The following TIMM10B variants were observed in gnomAD, a reference collection of about 807,000 sequenced individuals.
The protein encoded by TIMM10B is translocase of inner mitochondrial membrane 10B.
In TIMM10B, 17 loss-of-function variants were observed where a neutral mutation model predicts 12.6. The observed-to-expected ratio is 1.35, with a 90% CI of 0.92 to 2.03. The LOEUF (loss-of-function observed/expected upper bound fraction) is 2.03, where lower values mean the gene tolerates loss of function less well. Among genes scored for constraint, TIMM10B ranks in the 30% most tolerant of loss-of-function variants. The probability of loss-of-function intolerance (pLI) is 0.00; values close to 1 mark genes in which losing one functional copy is unlikely to be tolerated. For synonymous variants in TIMM10B, 63 were observed against 51.3 expected, an observed-to-expected ratio of 1.23 and a Z score of -0.97; for missense variants, 165 against 133.3, an observed-to-expected ratio of 1.24 and a Z score of -1.17.
chr11:6,481,545 A>C lies in TIMM10B; in HGVS notation c.29A>C (p.Gln10Pro), dbSNP rs760941149. 8 of 1,610,568 alleles carry C rather than the reference A, an allele frequency of 5.0e-6. No individual in the cohort carries two copies. In the Admixed American group the frequency reaches 1.2e-4, roughly 24 times the overall value. The change falls in exon 1 of 3, where the codon CAA (glutamine) becomes CCA (proline). Residue 10 changes from glutamine (Q) to proline (P), a missense_variant. By Grantham distance (76) the Gln-to-Pro change is moderately conservative. Transcript: ENST00000254616. ...GAGCGGCAGCAGCAGCAGCAACAGC[A>C]ACTGCGAAACGTAAGTGAGAACTAA... MERQQQQQQ[Q>P]LRNLRDFLLV...
chr11:6,483,896 T>C lies in TIMM10B; in HGVS notation c.*1675T>C, dbSNP rs1851880526. The C allele has an allele frequency of 6.6e-6, 1 of 152,228 alleles. No homozygotes were observed. Among genetic ancestry groups the C allele is most frequent in the Admixed American group, 6.5e-5 (1 of 15,290 alleles). 9.4% of individuals were successfully genotyped at this position (152,228 alleles called of 1,614,324 possible). A position where few individuals can be genotyped will look rare whatever the true frequency, so the allele number is the denominator to read the frequency against. On this transcript the variant is annotated 3_prime_UTR_variant, in exon 3 of 3. Transcript: ENST00000254616. ...TCCATGTTCATTTTACACAGCAGGC[T>C]GCCTCTTAAGATAGTATTTATTGAG...
Position 6,481,539 on chromosome 11 carries a change from A to C in TIMM10B, c.23A>C (p.Gln8Pro). MERQQQQQQQLRNLRDFL... is the reference protein window; with the variant it reads MERQQQQPQQLRNLRDFL... ...GTGATGGAGCGGCAGCAGCAGCAGC[A>C]ACAGCAACTGCGAAACGTAAGTGAG... Residue 8 changes from glutamine to proline, a missense_variant, in exon 1 of 3, where the codon CAA becomes CCA. Coordinates refer to ENST00000254616, the MANE Select transcript of TIMM10B (RefSeq NM_012192.4). 1 of 1,611,876 alleles carries C rather than the reference A, an allele frequency of 6.2e-7. No individual in the cohort carries two copies. Among genetic ancestry groups the C allele is most frequent in the East Asian group, 2.2e-5 (1 of 44,850 alleles).
rs1851891821 is a variant in TIMM10B, at chr11:6,484,629, CTT to C, written c.*2409_*2410del. The stretch of plus-strand genomic sequence containing the variant: ...ATACTGTGCTGCTGGTGGGAGGACC[CTT>C]CCACATCAACATTTGTGTGTATCCT... On this transcript the variant is annotated 3_prime_UTR_variant, in exon 3 of 3. Coordinates refer to ENST00000254616, the MANE Select transcript of TIMM10B (RefSeq NM_012192.4). The C allele has an allele frequency of 6.6e-6, 1 of 152,216 alleles. No individual in the cohort carries two copies. The allele number at this position is 152,216 out of a possible 1,614,324, so 9.4% of individuals were successfully genotyped here.
At chr11:6,481,973 G>A in intron 2 of TIMM10B, 72 bp from the exon 3 acceptor site, 1 of 1,595,014 alleles carries the variant, frequency 6.3e-7, no homozygotes, top group Non-Finnish European at 8.6e-7. Context: ...CCCTAGGCTG[G>A]GCATGGGGAA....
chr11:6,481,721 C>T (rs372245305), intron 1 of TIMM10B, 36 bp from the exon 2 acceptor site: 2 of 1,613,720 alleles, frequency 1.2e-6, no homozygotes, highest in East Asian at 2.2e-5. Flanking sequence ...GTGTGGGGCC[C>T]TTATCGCTGA....
rs1361577294 is a variant in TIMM10B, at chr11:6,482,623, C to G, written c.*402C>G. On this transcript the variant is annotated 3_prime_UTR_variant, in exon 3 of 3. Transcript: ENST00000254616. ...TCTTCACAACAAAACTATGAGTAAG[C>G]GGTATTAGCCTCACTTAACAGATGA... 2 of 169,532 alleles carry G rather than the reference C, an allele frequency of 1.2e-5. No homozygotes were observed. The highest frequency in any genetic ancestry group is 4.8e-5 in the African/African-American group (2 of 42,104). The allele number at this position is 169,532 out of a possible 1,614,324, so 10.5% of individuals were successfully genotyped here.
Position 6,482,974 on chromosome 11 carries a change from C to T in TIMM10B, c.*753C>T, listed in dbSNP as rs1377005053. 2.6e-5 allele frequency: 4 copies of T among 152,152 alleles called. No individual in the cohort carries two copies. The highest frequency in any genetic ancestry group is 9.7e-5 in the African/African-American group (4 of 41,410). 9.4% of individuals were successfully genotyped at this position (152,152 alleles called of 1,614,324 possible). A position where few individuals can be genotyped will look rare whatever the true frequency, so the allele number is the denominator to read the frequency against. On this transcript the variant is annotated 3_prime_UTR_variant, in exon 3 of 3. Coordinates refer to ENST00000254616, the MANE Select transcript of TIMM10B (RefSeq NM_012192.4). ...ATGAAACCTGTAAGAAGTCTGGAGT[C>T]TTTTGGAACTTCAGCCATTTCCCCA... is the stretch of plus-strand genomic sequence containing the variant.
intron 1 of TIMM10B, 56 bp downstream of exon 1, chr11:6,481,611 C>T (rs1851778127): frequency 1.3e-6 from 2 of 1,574,280 alleles, no homozygotes; most frequent in Non-Finnish European, 1.7e-6. Flanking sequence ...TTCCTGCACA[C>T]ATCGCGGGAA....
Position 6,481,546 on chromosome 11 carries a change from A to G in TIMM10B, c.30A>G (p.Gln10=), listed in dbSNP as rs200092091. The change falls in exon 1 of 3, where the codon CAA becomes CAG. Residue 10 remains glutamine, a synonymous_variant. Coordinates refer to ENST00000254616, the MANE Select transcript of TIMM10B (RefSeq NM_012192.4). ...AGCGGCAGCAGCAGCAGCAACAGCA[A>G]CTGCGAAACGTAAGTGAGAACTAAG... MERQQQQQQ[Q]LRNLRDFLLV... 5.6e-6 allele frequency: 9 copies of G among 1,610,588 alleles called. 1 individual carries two copies. The Admixed American group carries it at 1.0e-4, about 18-fold the overall frequency.
Position 6,482,224 on chromosome 11 carries a change from A to G in TIMM10B, c.*3A>G, listed in dbSNP as rs771833344. On this transcript the variant is annotated 3_prime_UTR_variant, in exon 3 of 3. Coordinates refer to ENST00000254616, the MANE Select transcript of TIMM10B (RefSeq NM_012192.4). The stretch of plus-strand genomic sequence containing the variant: ...GGGTCTCTCCATCAGGCAGCTAGCC[A>G]TACCCAACCCCAGGAAGGAAGGCCT... The G allele has an allele frequency of 3.8e-6, 6 of 1,598,500 alleles. No individual in the cohort carries two copies. Among genetic ancestry groups the G allele is most frequent in the Admixed American group, 3.3e-5 (2 of 59,818 alleles).
At position 6,481,508 on chromosome 11, in the gene TIMM10B, G is replaced by T. The variant is rs772372297; in HGVS notation, c.-9G>T. ...ACGGAAGTGGCGTACGGCATGCGCC[G>T]GTGGCGTGATGGAGCGGCAGCAGCA... is the stretch of plus-strand genomic sequence containing the variant. On this transcript the variant is annotated 5_prime_UTR_variant, in exon 1 of 3. Coordinates refer to ENST00000254616, the MANE Select transcript of TIMM10B (RefSeq NM_012192.4). 10 of 1,612,954 alleles carry T rather than the reference G, an allele frequency of 6.2e-6. 1 individual carries two copies. The South Asian group carries it at 8.8e-5, about 14-fold the overall frequency.
chr11:6,481,760 C>T lies in TIMM10B; in HGVS notation c.43C>T (p.Arg15Cys). The T allele has an allele frequency of 6.2e-7, 1 of 1,614,140 alleles. No individual in the cohort carries two copies. The highest frequency in any genetic ancestry group is 1.3e-5 in the African/African-American group (1 of 75,048). The change falls in exon 2 of 3, where the codon CGT becomes TGT. Residue 15 changes from arginine (R) to cysteine (C), a missense_variant. Physicochemically the swap from Arg to Cys is radical, Grantham distance 180 (BLOSUM62 -3). Coordinates refer to ENST00000254616, the MANE Select transcript of TIMM10B (RefSeq NM_012192.4). ...TGTGGTCCCCCTTTTCTCTCAGCTG[C>T]GTGACTTCCTGTTGGTCTACAATCG... The part of the protein sequence containing the change: ...QQQQQQLRNL[R>C]DFLLVYNRMT...
Position 6,483,026 on chromosome 11 carries a change from T to G in TIMM10B, c.*805T>G, listed in dbSNP as rs1440172636. 6.6e-6 allele frequency: 1 copy of G among 152,164 alleles called. No homozygotes were observed. Among genetic ancestry groups the G allele is most frequent in the Non-Finnish European group, 1.5e-5 (1 of 68,036 alleles). The allele number at this position is 152,164 out of a possible 1,614,324, so 9.4% of individuals were successfully genotyped here. On this transcript the variant is annotated 3_prime_UTR_variant, in exon 3 of 3. Transcript: ENST00000254616. ...GTTGTTACTTTCTTAGTATGTACAG[T>G]CTTCTCAGGATGAGCAGTAAAACCT...
chr11:6,481,654 C>T, intron 1 of TIMM10B, 99 bp downstream of exon 1: 6 of 1,583,746 alleles, frequency 3.8e-6, no homozygotes, highest in Non-Finnish European at 5.2e-6. Flanking sequence ...GGGCTGGAAA[C>T]TTCGGGCTAT....
At position 6,483,990 on chromosome 11, in the gene TIMM10B, A is replaced by C. The variant is rs1160511509; in HGVS notation, c.*1769A>C. The C allele has an allele frequency of 1.3e-5, 2 of 152,224 alleles. No individual in the cohort carries two copies. The highest frequency in any genetic ancestry group is 2.9e-5 in the Non-Finnish European group (2 of 68,044). 9.4% of individuals were successfully genotyped at this position (152,224 alleles called of 1,614,324 possible). On this transcript the variant is annotated 3_prime_UTR_variant, in exon 3 of 3. Coordinates refer to ENST00000254616, the MANE Select transcript of TIMM10B (RefSeq NM_012192.4). ...TATATTAATCTTTACAACAACTATA[A>C]GTAAGAGGTATTAACCTCACTTAAC...
Position 6,481,501 on chromosome 11 carries a change from A to C in TIMM10B, c.-16A>C, listed in dbSNP as rs367696585. The C allele has an allele frequency of 4.3e-6, 7 of 1,612,878 alleles. No individual in the cohort carries two copies. Among genetic ancestry groups the C allele is most frequent in the Non-Finnish European group, 5.9e-6 (7 of 1,179,918 alleles). On this transcript the variant is annotated 5_prime_UTR_variant, in exon 1 of 3. It removes an upstream start codon present in the reference 5' UTR. Coordinates refer to ENST00000254616, the MANE Select transcript of TIMM10B (RefSeq NM_012192.4). ...AGCTGAAACGGAAGTGGCGTACGGCATGCGCCGGTGGCGTGATGGAGCGGC... is the reference window on the plus strand; with the variant it reads ...AGCTGAAACGGAAGTGGCGTACGGCCTGCGCCGGTGGCGTGATGGAGCGGC...
intron 1 of TIMM10B, 74 bp from the exon 2 acceptor site, chr11:6,481,683 A>G: frequency 6.2e-7 from 1 of 1,604,722 alleles, no homozygotes; most frequent in Admixed American, 1.7e-5. Flanking sequence ...GGCCTGGGAA[A>G]CTTTGGGCGG....
intron 1 of TIMM10B, 67 bp downstream of exon 1, chr11:6,481,622 C>T (rs1851778906): frequency 1.7e-5 from 27 of 1,571,872 alleles, no homozygotes; most frequent in Non-Finnish European, 2.2e-5. Context: ...ATCGCGGGAA[C>T]CCCACAGGGC....
chr11:6,481,520 G>GAGCGGC lies in TIMM10B; in HGVS notation c.8_13dup (p.Arg3_Gln4dup), dbSNP rs765427421. Reference sequence around the variant, plus strand: ...TACGGCATGCGCCGGTGGCGTGATGGAGCGGCAGCAGCAGCAGCAACAGCA... The same window carrying GAGCGGC: ...TACGGCATGCGCCGGTGGCGTGATGGAGCGGCAGCGGCAGCAGCAGCAGCAACAGCA... On this transcript the variant is annotated inframe_insertion, in exon 1 of 3. Transcript: ENST00000254616. 30 of 1,612,588 alleles carry GAGCGGC rather than the reference G, an allele frequency of 1.9e-5. No individual in the cohort carries two copies. The highest frequency in any genetic ancestry group is 1.1e-5 in the South Asian group (1 of 90,806).
Sources: gnomAD v4.1 joint callset for allele counts on GRCh38, gnomAD v4.1.1 for gene constraint, MANE v1.5 for transcripts, NCBI Gene and HGNC (gene_info 2026-07-23, HGNC 2026-07-21) for gene names.